Variants in PPP2R5E observed in about 807,000 individuals in gnomAD.
PPP2R5E encodes the protein serine/threonine-protein phosphatase 2A 56 kDa regulatory subunit epsilon isoform.
Under a neutral mutation model 65.3 loss-of-function variants are expected in PPP2R5E, and 4 were observed. The observed-to-expected ratio is 0.06, with a 90% CI of 0.03 to 0.14. The LOEUF is 0.14. Among genes scored for constraint, PPP2R5E ranks in the 10% least tolerant of loss-of-function variants. The pLI is 1.00. For missense variants in PPP2R5E, 274 were observed against 556.1 expected (o/e 0.49, Z 5.10); for synonymous variants, 183 against 187.4 (o/e 0.98, Z 0.19).
intron 5 of PPP2R5E, among the ~76,000 whole-genome samples, chr14:63,404,039 A>G (rs1482716956): frequency 6.6e-6 from 1 of 152,244 alleles, no homozygotes; most frequent in African/African-American, 2.4e-5. Flanking sequence ...ATGGAAATAA[A>G]TATACAGAAA....
chr14:63,525,051 G>C (rs1388072766), intron 2 of PPP2R5E, among the ~76,000 whole-genome samples: 1 of 152,196 alleles, frequency 6.6e-6, no homozygotes, highest in Non-Finnish European at 1.5e-5. Flanking sequence ...CTCTCTGCAC[G>C]AGTGGGCAAG....
intron 5 of PPP2R5E, among the ~76,000 whole-genome samples, chr14:63,399,035 G>A (rs541365454): frequency 2.0e-5 from 3 of 152,240 alleles, no homozygotes; most frequent in South Asian, 4.1e-4. Flanking sequence ...CAGCAGAACC[G>A]AAAACACATG....
chr14:63,465,117 G>A (rs1889718364), intron 2 of PPP2R5E, among the ~76,000 whole-genome samples: 1 of 151,666 alleles, frequency 6.6e-6, no homozygotes, highest in African/African-American at 2.4e-5. Flanking sequence ...TTCTAGGGTG[G>A]AAAGTGCTTT....
chr14:63,506,222 G>A (rs543516854), intron 2 of PPP2R5E, among the ~76,000 whole-genome samples: 17 of 152,206 alleles, frequency 1.1e-4, no homozygotes, highest in South Asian at 4.2e-4. Context: ...AGGCCGCGGC[G>A]GGTGGATCAC....
At chr14:63,475,568 A>G (rs1373314638) in intron 2 of PPP2R5E, among the ~76,000 whole-genome samples, 1 of 152,166 alleles carries the variant, frequency 6.6e-6, no homozygotes, top group African/African-American at 2.4e-5. Context: ...CTGTTTTTTT[A>G]TATATTACAA....
chr14:63,508,245 C>G, intron 2 of PPP2R5E: 1 of 985,178 alleles, frequency 1.0e-6, no homozygotes, highest in East Asian at 1.1e-4. Flanking sequence ...GCTTTCCTCT[C>G]TAAACCACGC....
chr14:63,434,531 G>A (rs904187557), intron 3 of PPP2R5E, among the ~76,000 whole-genome samples: 58 of 152,154 alleles, frequency 3.8e-4, no homozygotes, highest in African/African-American at 1.3e-3. Flanking sequence ...CCCTTAGTAT[G>A]CTGCTCTCCT....
intron 3 of PPP2R5E, among the ~76,000 whole-genome samples, chr14:63,445,385 C>T (rs1888426309): frequency 6.6e-6 from 1 of 152,168 alleles, no homozygotes; most frequent in African/African-American, 2.4e-5. Context: ...AATGGATATA[C>T]CTTAAAAATA....
At chr14:63,471,903 A>G (rs1483305203) in intron 2 of PPP2R5E, among the ~76,000 whole-genome samples, 1 of 152,232 alleles carries the variant, frequency 6.6e-6, no homozygotes, top group Non-Finnish European at 1.5e-5. Context: ...TAGATTGAGG[A>G]AGACAAGCAT....
intron 2 of PPP2R5E, among the ~76,000 whole-genome samples, chr14:63,510,263 A>G (rs1277827623): frequency 6.6e-6 from 1 of 152,216 alleles, no homozygotes; most frequent in African/African-American, 2.4e-5. Context: ...CTTCTAGGGA[A>G]GAGCCACCAC....
intron 10 of PPP2R5E, among the ~76,000 whole-genome samples, chr14:63,391,476 G>A (rs1885019372): frequency 6.6e-6 from 1 of 152,122 alleles, no homozygotes; most frequent in Non-Finnish European, 1.5e-5. Flanking sequence ...AGGCTGGAGT[G>A]CAATGGCACC....
chr14:63,527,925 A>G (rs570967756), intron 2 of PPP2R5E, among the ~76,000 whole-genome samples: 53 of 119,706 alleles, frequency 4.4e-4, no homozygotes, highest in South Asian at 2.3e-3. Flanking sequence ...ACAATGTAAG[A>G]AAAAAAAAAA....
At chr14:63,397,504 A>T (rs1245564430) in intron 5 of PPP2R5E, among the ~76,000 whole-genome samples, 1 of 88,922 alleles carries the variant, frequency 1.1e-5, no homozygotes, top group African/African-American at 1.4e-4. Flanking sequence ...TCGGTCTTTA[A>T]AAAAAAAAAA....
In PPP2R5E at chr14:63,375,863, G is replaced by A; in HGVS notation, c.*146C>T. On this transcript the variant is annotated 3_prime_UTR_variant, in exon 14 of 14. Coordinates refer to ENST00000337537, the MANE Select transcript of PPP2R5E (RefSeq NM_006246.5). Reference sequence around the variant, plus strand: ...CTTATTTTGTTTTTTCCTTTACTTAGAGACAGGTATATACAGTGCTGCTGT... The same window carrying A: ...CTTATTTTGTTTTTTCCTTTACTTAAAGACAGGTATATACAGTGCTGCTGT... 3 of 473,250 alleles carry A rather than the reference G, an allele frequency of 6.3e-6. No individual in the cohort carries two copies. Among genetic ancestry groups the A allele is most frequent in the Non-Finnish European group, 1.1e-5 (3 of 274,136 alleles). The allele number at this position is 473,250 out of a possible 1,614,324, so 29.3% of individuals were successfully genotyped here. A position where few individuals can be genotyped will look rare whatever the true frequency, so the allele number is the denominator to read the frequency against.
chr14:63,465,623 T>C (rs969608109), intron 2 of PPP2R5E, among the ~76,000 whole-genome samples: 11 of 152,124 alleles, frequency 7.2e-5, no homozygotes, highest in African/African-American at 2.7e-4. Context: ...AAGACCCTGT[T>C]TCAAAAAAAA....
chr14:63,470,910 T>C (rs746814543), intron 2 of PPP2R5E, among the ~76,000 whole-genome samples: 2 of 152,180 alleles, frequency 1.3e-5, no homozygotes, highest in East Asian at 3.8e-4. Flanking sequence ...CATTGCTTGC[T>C]TGTACCATTA....
At chr14:63,463,451 T>G (rs72714258) in intron 2 of PPP2R5E, among the ~76,000 whole-genome samples, 39,895 of 151,176 alleles carry the variant, frequency 0.26, 6,156 homozygotes, top group African/African-American at 0.43. Context: ...TATGTATAAA[T>G]ATAAGAAGGA....
At chr14:63,510,423 A>C (rs1387943550) in intron 2 of PPP2R5E, among the ~76,000 whole-genome samples, 1 of 152,236 alleles carries the variant, frequency 6.6e-6, no homozygotes, top group East Asian at 1.9e-4. Context: ...AGTCTAACTG[A>C]AGGGGATAGA....
chr14:63,390,515 AC>A (rs1279213052), intron 10 of PPP2R5E, among the ~76,000 whole-genome samples: 1 of 152,220 alleles, frequency 6.6e-6, no homozygotes, highest in East Asian at 1.9e-4. Flanking sequence ...AAAAATAATT[AC>A]TTTGAAAAAA....
Sources: gnomAD v4.1 joint callset for allele counts (sites outside exome capture counted in the v4.1 genomes callset) on GRCh38, gnomAD v4.1.1 for gene constraint, MANE v1.5 for transcripts, NCBI Gene and HGNC (gene_info 2026-07-23, HGNC 2026-07-21) for gene names.